CHN1: variants seen among roughly 807,000 people sequenced by gnomAD.
CHN1 encodes chimerin 1.
Under a neutral mutation model 59.5 loss-of-function variants are expected in CHN1, and 37 were observed. The observed-to-expected ratio is 0.62, with a 90% CI of 0.48 to 0.82. The LOEUF is 0.82. Among genes scored for constraint, CHN1 ranks in the 40% least tolerant of loss-of-function variants. The pLI, the probability that CHN1 is intolerant of heterozygous loss-of-function variation, is 0.00. For synonymous variants in CHN1, 206 were observed against 200.4 expected (o/e 1.03, Z -0.24); for missense variants, 469 against 571.0 (o/e 0.82, Z 1.82).
chr2:174,829,823 C>T (rs142292145), intron 7 of CHN1, among the ~76,000 whole-genome samples: 17 of 152,192 alleles, frequency 1.1e-4, no homozygotes, highest in African/African-American at 3.6e-4. Context: ...AAAATCAAAA[C>T]GAAAGGAATG....
intron 5 of CHN1, among the ~76,000 whole-genome samples, chr2:174,909,256 G>C (rs914187277): frequency 6.6e-6 from 1 of 152,100 alleles, no homozygotes; most frequent in African/African-American, 2.4e-5. Flanking sequence ...TGGTATACAC[G>C]TTCCCTCCCT....
At position 174,801,782 on chromosome 2, in the gene CHN1, G is replaced by A; in HGVS notation, c.1133C>T (p.Thr378Ile). Reference protein sequence around the residue: ...KIMDPDEQLETLHEALKLLPP... With the variant: ...KIMDPDEQLEILHEALKLLPP... Reference sequence around the variant, plus strand: ...CAGTAGTTTCAGTGCTTCATGAAGGGTTTCCAATTGCTCATCCGGATCCAT... The same window carrying A: ...CAGTAGTTTCAGTGCTTCATGAAGGATTTCCAATTGCTCATCCGGATCCAT... The change falls in exon 12 of 13, where the codon ACC (threonine) becomes ATC (isoleucine). Residue 378 changes from threonine (T) to isoleucine (I), a missense_variant. Physicochemically the swap from Thr to Ile is moderately conservative, Grantham distance 89. Coordinates refer to ENST00000409900, the MANE Select transcript of CHN1 (RefSeq NM_001822.7). 1.2e-6 allele frequency: 2 copies of A among 1,613,160 alleles called. No homozygotes were observed. The highest frequency in any genetic ancestry group is 1.7e-6 in the Non-Finnish European group (2 of 1,179,292).
At chr2:174,824,077 C>T (rs1010877075) in intron 8 of CHN1, among the ~76,000 whole-genome samples, 1 of 152,154 alleles carries the variant, frequency 6.6e-6, no homozygotes, top group African/African-American at 2.4e-5. Context: ...GGTCCCTGTA[C>T]ATTGCTTTAA....
At chr2:174,878,479 A>G (rs1349727016) in intron 5 of CHN1, among the ~76,000 whole-genome samples, 1 of 152,242 alleles carries the variant, frequency 6.6e-6, no homozygotes, top group Non-Finnish European at 1.5e-5. Flanking sequence ...GGCCAACTCC[A>G]TAATAGATGA....
chr2:174,923,138 A>ATT (rs1314898932), intron 3 of CHN1, among the ~76,000 whole-genome samples: 1 of 146,168 alleles, frequency 6.8e-6, no homozygotes. Context: ...TAACAATATA[A>ATT]TTTTTTTTTT....
intron 5 of CHN1, among the ~76,000 whole-genome samples, chr2:174,903,468 CA>C (rs1688451774): frequency 1.3e-5 from 2 of 152,022 alleles, no homozygotes; most frequent in African/African-American, 4.8e-5. Flanking sequence ...ATATTTTATG[CA>C]TGACCAGTTT....
intron 7 of CHN1, among the ~76,000 whole-genome samples, chr2:174,824,912 T>C (rs1217097128): frequency 6.6e-6 from 1 of 152,196 alleles, no homozygotes; most frequent in East Asian, 1.9e-4. Flanking sequence ...ACCCAGCCCA[T>C]GGTTAGTAAT....
intron 1 of CHN1, among the ~76,000 whole-genome samples, chr2:174,952,869 T>C (rs1690066078): frequency 1.3e-5 from 2 of 152,062 alleles, no homozygotes. Flanking sequence ...GGAGACAGTA[T>C]AAATAGGAAG....
chr2:174,811,440 T>C, intron 10 of CHN1, 71 bp downstream of exon 10: 2 of 1,008,104 alleles, frequency 2.0e-6, no homozygotes, highest in Non-Finnish European at 3.0e-6. Flanking sequence ...AAAAAATACC[T>C]CACAAGAAAT....
chr2:174,911,021 C>T (rs1467128440), intron 5 of CHN1, among the ~76,000 whole-genome samples: 2 of 151,406 alleles, frequency 1.3e-5, no homozygotes, highest in African/African-American at 2.4e-5. Flanking sequence ...TCACTATTTC[C>T]AAAAATCAAA....
intron 6 of CHN1, chr2:174,847,666 A>C: frequency 7.6e-7 from 1 of 1,319,136 alleles, no homozygotes; most frequent in Non-Finnish European, 1.0e-6. Flanking sequence ...AAGAAAGGAG[A>C]TAACCAATGA....
chr2:174,836,709 G>A (rs1558945251), intron 7 of CHN1, among the ~76,000 whole-genome samples: 2 of 152,288 alleles, frequency 1.3e-5, no homozygotes, highest in South Asian at 2.1e-4. Context: ...CATGTGAATC[G>A]TATAGAGCTG....
intron 1 of CHN1, among the ~76,000 whole-genome samples, chr2:174,998,412 C>G (rs985441128): frequency 1.3e-5 from 2 of 151,168 alleles, no homozygotes; most frequent in Admixed American, 6.6e-5. Context: ...GTTTAAAAAG[C>G]CTCAGACTCA....
chr2:174,899,821 T>C (rs183830063), intron 5 of CHN1, among the ~76,000 whole-genome samples: 7 of 152,322 alleles, frequency 4.6e-5, no homozygotes, highest in Admixed American at 3.9e-4. Flanking sequence ...GTCACCCAGA[T>C]TGAATTGGAA....
chr2:174,999,336 T>C (rs140774307), intron 1 of CHN1, among the ~76,000 whole-genome samples: 1 of 152,342 alleles, frequency 6.6e-6, no homozygotes, highest in Non-Finnish European at 1.5e-5. Context: ...CTTCTAAAGA[T>C]GCTGTAATTG....
rs189598302 is a variant in CHN1 at position 174,991,177 on chromosome 2, G to A, written c.19+13717C>T. Among the ~76,000 whole-genome samples the A allele has an allele frequency of 1.8e-4, 28 of 152,244 alleles. No homozygotes were observed. The East Asian group carries it at 5.0e-3, about 27-fold the overall frequency. The stretch of plus-strand genomic sequence containing the variant: ...TTAAGTGGAGGACTAATATGTAAAC[G>A]TCCTATGAACTTGGCTAACCCACCA... On this transcript the variant is annotated intron_variant, in intron 1 of 12. Coordinates refer to ENST00000409900, the MANE Select transcript of CHN1 (RefSeq NM_001822.7).
chr2:174,801,870 G>T, intron 11 of CHN1, 58 bp from the exon 12 acceptor site: 1 of 1,229,584 alleles, frequency 8.1e-7, no homozygotes. Context: ...TGATACAAAT[G>T]GTTCACTGAA....
intron 8 of CHN1, chr2:174,821,629 A>G: frequency 3.3e-6 from 1 of 300,036 alleles, no homozygotes; most frequent in Non-Finnish European, 7.0e-6. Context: ...CCCCTTTTAT[A>G]CTCTTCTGCC....
At chr2:174,908,863 G>C (rs892696600) in intron 5 of CHN1, among the ~76,000 whole-genome samples, 1 of 151,812 alleles carries the variant, frequency 6.6e-6, no homozygotes. Context: ...AAATATTTTT[G>C]GATATTAATA....
Sources: gnomAD v4.1 joint callset for allele counts (sites outside exome capture counted in the v4.1 genomes callset) on GRCh38, gnomAD v4.1.1 for gene constraint, MANE v1.5 for transcripts, NCBI Gene and HGNC (gene_info 2026-07-23, HGNC 2026-07-21) for gene names.